Variants in RORB observed in about 807,000 individuals in gnomAD.
RORB encodes the protein RAR related orphan receptor B, also known as nuclear receptor ROR-beta.
A neutral mutation model predicts 59.1 loss-of-function variants in RORB; 6 were observed. The ratio of observed to expected loss-of-function variants is 0.10; its 90% confidence interval spans 0.06 to 0.20. The LOEUF (loss-of-function observed/expected upper bound fraction) is 0.20. Ranked by LOEUF, RORB falls within the 10% of genes least tolerant of loss-of-function variation. The pLI, the probability that RORB is intolerant of heterozygous loss-of-function variation, is 1.00. For synonymous variants in RORB, 215 were observed against 204.5 expected (o/e 1.05, Z -0.44); for missense variants, 320 against 560.5 (o/e 0.57, Z 4.33).
At chr9:74,572,662 G>C (rs1296304367) in intron 1 of RORB, among the ~76,000 whole-genome samples, 1 of 152,092 alleles carries the variant, frequency 6.6e-6, no homozygotes, top group Non-Finnish European at 1.5e-5. Context: ...CCGGTAAGGA[G>C]AACCCCTTGG....
At position 74,693,101 on chromosome 9, in the gene RORB, T is replaced by C. The variant is rs1463183310; in HGVS notation, c.*7483T>C. On this transcript the variant is annotated 3_prime_UTR_variant, in exon 10 of 10. Transcript: ENST00000376896. ...AATGCACACATGATTTCTGAATGTT[T>C]TCTGTAAATGACAATCAATGTTTAT... 1 of 152,230 alleles carries C rather than the reference T, an allele frequency of 6.6e-6. No individual in the cohort carries two copies. Among genetic ancestry groups the C allele is most frequent in the African/African-American group, 2.4e-5 (1 of 41,460 alleles). The allele number at this position is 152,230 out of a possible 1,614,324, so 9.4% of individuals were successfully genotyped here.
chr9:74,571,140 C>T (rs950737388), intron 1 of RORB, among the ~76,000 whole-genome samples: 4 of 151,862 alleles, frequency 2.6e-5, no homozygotes, highest in African/African-American at 9.7e-5. Context: ...ATGCTGGTAT[C>T]GACAGCAGAG....
chr9:74,504,696 T>C (rs776974178), intron 1 of RORB, among the ~76,000 whole-genome samples: 6 of 152,056 alleles, frequency 3.9e-5, no homozygotes, highest in Non-Finnish European at 8.8e-5. Flanking sequence ...CAAATTAATC[T>C]GGTTGTTTAC....
intron 1 of RORB, among the ~76,000 whole-genome samples, chr9:74,589,653 T>G (rs1317672776): frequency 6.6e-6 from 1 of 152,342 alleles, no homozygotes; most frequent in African/African-American, 2.4e-5. Flanking sequence ...TCCACATTCA[T>G]GTAAACAAAA....
At chr9:74,500,549 G>A (rs976142655) in intron 1 of RORB, among the ~76,000 whole-genome samples, 2 of 152,026 alleles carry the variant, frequency 1.3e-5, no homozygotes, top group East Asian at 3.9e-4. Flanking sequence ...TCATCCACAC[G>A]CGCGCGCTTT....
chr9:74,555,014 T>C (rs1015123046), intron 1 of RORB, among the ~76,000 whole-genome samples: 4 of 152,112 alleles, frequency 2.6e-5, no homozygotes, highest in African/African-American at 9.7e-5. Flanking sequence ...AGAAGCAAAA[T>C]CAACACTGGG....
chr9:74,689,515 C>T lies in RORB; in HGVS notation c.*3897C>T, dbSNP rs1824703626. On this transcript the variant is annotated 3_prime_UTR_variant, in exon 10 of 10. Transcript: ENST00000376896. ...TTAGCACTGTGTTCAGGGCTCTGGA[C>T]TAAAGTACCTCTGAGTAGGTAAAAT... 6.6e-6 allele frequency: 1 copy of T among 152,180 alleles called. No homozygotes were observed. Among genetic ancestry groups the T allele is most frequent in the Non-Finnish European group, 1.5e-5 (1 of 68,038 alleles). 9.4% of individuals were successfully genotyped at this position (152,180 alleles called of 1,614,324 possible). A position where few individuals can be genotyped will look rare whatever the true frequency, so the allele number is the denominator to read the frequency against.
chr9:74,530,490 G>A (rs889032318), intron 1 of RORB, among the ~76,000 whole-genome samples: 2 of 151,942 alleles, frequency 1.3e-5, no homozygotes, highest in African/African-American at 2.4e-5. Context: ...CAGAGACGAT[G>A]GACCAAGTAG....
chr9:74,536,900 C>T (rs915614914), intron 1 of RORB, among the ~76,000 whole-genome samples: 2 of 151,964 alleles, frequency 1.3e-5, no homozygotes, highest in African/African-American at 4.8e-5. Flanking sequence ...TGTTAACTAT[C>T]CCCATGACCC....
At chr9:74,524,597 G>T (rs539217201) in intron 1 of RORB, among the ~76,000 whole-genome samples, 1 of 151,944 alleles carries the variant, frequency 6.6e-6, no homozygotes, top group East Asian at 2.0e-4. Flanking sequence ...CCTATTGTTT[G>T]TTCAAAATAT....
At chr9:74,586,600 C>CGTGTGTGTGTGTGTGTGT (rs1313500289) in intron 1 of RORB, among the ~76,000 whole-genome samples, 30 of 141,284 alleles carry the variant, frequency 2.1e-4, no homozygotes, top group South Asian at 4.8e-4. Context: ...ATGTAATGTC[C>CGTGTGTGTGTGTGTGTGT]GTGTGTGTGT....
intron 9 of RORB, among the ~76,000 whole-genome samples, chr9:74,673,540 T>C (rs956598404): frequency 1.3e-5 from 2 of 152,088 alleles, no homozygotes; most frequent in Non-Finnish European, 2.9e-5. Flanking sequence ...ATTACTCCCC[T>C]AGGAGGGTAA....
chr9:74,600,536 C>G lies in RORB; in HGVS notation c.8-29746C>G, dbSNP rs149298484. ...ATCACTGATGGGCTGCACAGTCCAT[C>G]ACCCACAATTGTCATTTCAGATCTT... On this transcript the variant is annotated intron_variant, in intron 1 of 9. Coordinates refer to ENST00000376896, the MANE Select transcript of RORB (RefSeq NM_006914.4). 7.9e-3 allele frequency among the ~76,000 whole-genome samples: 1,206 copies of G among 152,282 alleles called. 9 individuals carry two copies. The highest frequency in any genetic ancestry group is 0.013 in the Non-Finnish European group (885 of 68,018).
chr9:74,624,547 T>C (rs995252172), intron 1 of RORB, among the ~76,000 whole-genome samples: 4 of 152,210 alleles, frequency 2.6e-5, no homozygotes, highest in Non-Finnish European at 5.9e-5. Flanking sequence ...CATCCCAACC[T>C]TGGGGCTACT....
intron 1 of RORB, among the ~76,000 whole-genome samples, chr9:74,529,595 A>G (rs1233407988): frequency 2.0e-5 from 3 of 151,752 alleles, no homozygotes; most frequent in Non-Finnish European, 2.9e-5. Context: ...TAGTAAATTT[A>G]TGTTTATTTT....
chr9:74,679,806 G>A (rs1489623434), intron 9 of RORB, among the ~76,000 whole-genome samples: 2 of 152,082 alleles, frequency 1.3e-5, no homozygotes, highest in East Asian at 1.9e-4. Flanking sequence ...TCATCAAATT[G>A]CAAGTTGATG....
intron 1 of RORB, among the ~76,000 whole-genome samples, chr9:74,547,353 G>C (rs1044572244): frequency 6.6e-6 from 1 of 152,122 alleles, no homozygotes; most frequent in South Asian, 2.1e-4. Flanking sequence ...CTAAGATTTA[G>C]AGCTAGAGAA....
chr9:74,549,184 G>A (rs1486596752), intron 1 of RORB, among the ~76,000 whole-genome samples: 1 of 152,078 alleles, frequency 6.6e-6, no homozygotes, highest in Non-Finnish European at 1.5e-5. Flanking sequence ...AGTGGCTCAC[G>A]CCTGTAATCC....
intron 1 of RORB, among the ~76,000 whole-genome samples, chr9:74,525,293 A>C (rs1480842002): frequency 6.6e-6 from 1 of 151,946 alleles, no homozygotes; most frequent in African/African-American, 2.4e-5. Context: ...TTGATTTTTC[A>C]TTACTAGCTA....
Sources: allele counts gnomAD v4.1 joint callset (sites outside exome capture counted in the v4.1 genomes callset), GRCh38; gene constraint gnomAD v4.1.1; transcripts MANE v1.5; gene names NCBI Gene and HGNC (gene_info 2026-07-23, HGNC 2026-07-21).